The following DDX1 variants were observed in gnomAD, a reference collection of about 807,000 sequenced individuals.
The protein encoded by DDX1 is ATP-dependent RNA helicase DDX1.
DDX1 carries 28 observed loss-of-function variants against 108.7 expected under a neutral mutation model. That is an observed-to-expected ratio of 0.26 (90% CI 0.19 to 0.35). DDX1 has a LOEUF of 0.35. Among genes scored for constraint, DDX1 ranks in the 10% least tolerant of loss-of-function variants. The pLI, the probability that DDX1 is intolerant of heterozygous loss-of-function variation, is 1.00. For synonymous variants in DDX1, 295 were observed against 288.9 expected (o/e 1.02, Z -0.21); for missense variants, 710 against 884.5 (o/e 0.80, Z 2.50).
intron 18 of DDX1, 58 bp downstream of exon 18, chr2:15,621,174 C>T: frequency 1.6e-6 from 2 of 1,226,370 alleles, no homozygotes; most frequent in Non-Finnish European, 2.4e-6. Context: ...TATACCTTAC[C>T]TATTCTCATG....
chr2:15,619,495 T>TC (rs1382189927), intron 16 of DDX1, among the ~76,000 whole-genome samples: 1 of 152,140 alleles, frequency 6.6e-6, no homozygotes, highest in Non-Finnish European at 1.5e-5. Context: ...TGCTCATGTC[T>TC]CCCCGCTGCA....
intron 10 of DDX1, among the ~76,000 whole-genome samples, chr2:15,605,404 G>A (rs147895595): frequency 7.2e-5 from 11 of 152,236 alleles, no homozygotes; most frequent in Non-Finnish European, 1.3e-4. Context: ...AAGGATCAGG[G>A]AGCAATCACT....
At chr2:15,626,256 C>T (rs573095440) in intron 19 of DDX1, among the ~76,000 whole-genome samples, 1 of 152,082 alleles carries the variant, frequency 6.6e-6, no homozygotes. Context: ...CACTTGAATG[C>T]AGGATGCAAT....
At chr2:15,624,081 T>C (rs950847957) in intron 19 of DDX1, among the ~76,000 whole-genome samples, 1 of 152,210 alleles carries the variant, frequency 6.6e-6, no homozygotes, top group South Asian at 2.1e-4. Context: ...TCTTCTGTTA[T>C]AAAGCATGGA....
At position 15,628,830 on chromosome 2, in the gene DDX1, A is replaced by G. The variant is rs746137689; in HGVS notation, c.1866A>G (p.Glu622=). The change falls in exon 23 of 26, where the codon GAA becomes GAG. Residue 622 remains glutamate, a synonymous_variant. Transcript: ENST00000233084. The part of the protein sequence containing the change: ...MGLAISLVAT[E]KEKVWYHVCS... ...TGGCAATTTCCCTGGTGGCAACAGAAAAAGAAAAGGTAATCTTTGTAGGGC... is the reference window on the plus strand; with the variant it reads ...TGGCAATTTCCCTGGTGGCAACAGAGAAAGAAAAGGTAATCTTTGTAGGGC... 1 of 1,613,568 alleles carries G rather than the reference A, an allele frequency of 6.2e-7. No individual in the cohort carries two copies. Among genetic ancestry groups the G allele is most frequent in the South Asian group, 1.1e-5 (1 of 91,068 alleles).
At position 15,620,331 on chromosome 2, in the gene DDX1, G is replaced by C. The variant is rs891689465; in HGVS notation, c.1330G>C (p.Val444Leu). Residue 444 changes from valine (V) to leucine (L), a missense_variant, in exon 17 of 26, where the codon GTT becomes CTT. Physicochemically the swap from Val to Leu is conservative, Grantham distance 32 (BLOSUM62 1). Coordinates refer to ENST00000233084, the MANE Select transcript of DDX1 (RefSeq NM_004939.3). Reference sequence around the variant, plus strand: ...CTCTGTTCCAGATACTGTACACCATGTTGTTGTCCCAGTAAATCCCAAAAC... The same window carrying C: ...CTCTGTTCCAGATACTGTACACCATCTTGTTGTCCCAGTAAATCCCAAAAC... ...EDSVPDTVHH[V>L]VVPVNPKTDR... 5.6e-6 allele frequency: 9 copies of C among 1,613,908 alleles called. No homozygotes were observed. The African/African-American group carries it at 1.2e-4, about 22-fold the overall frequency.
In DDX1 at chr2:15,617,457, CATTGTT is replaced by C. The variant is rs1665919263; in HGVS notation, c.1116+118_1116+123del. ...CATGATCCTACTACCTAGAGATAAT[CATTGTT>C]ATCAGTTTGGTATATTTTCATATAC... On this transcript the variant is annotated intron_variant, in intron 15 of 25. Transcript: ENST00000233084. 6.8e-6 allele frequency: 3 copies of C among 444,014 alleles called. No individual in the cohort carries two copies. The East Asian group carries it at 1.1e-4, about 16-fold the overall frequency. 27.5% of individuals were successfully genotyped at this position (444,014 alleles called of 1,614,324 possible).
At chr2:15,595,067 T>A in intron 1 of DDX1, 78 bp from the exon 2 acceptor site, 1 of 1,147,728 alleles carries the variant, frequency 8.7e-7, no homozygotes, top group Non-Finnish European at 1.3e-6. Context: ...TTACCCTGTT[T>A]TATGAATAGT....
Position 15,591,913 on chromosome 2 carries a change from G to A in DDX1, c.-21G>A. On this transcript the variant is annotated 5_prime_UTR_variant, in exon 1 of 26. Coordinates refer to ENST00000233084, the MANE Select transcript of DDX1 (RefSeq NM_004939.3). ...GGGAGGGAGGGAGCGAGCAGGCGAA[G>A]CCGCGGAGGACGGGGTGAAGATGGC... 2.1e-6 allele frequency: 3 copies of A among 1,462,658 alleles called. No homozygotes were observed. Among genetic ancestry groups the A allele is most frequent in the Non-Finnish European group, 2.7e-6 (3 of 1,106,942 alleles). The allele number at this position is 1,462,658 out of a possible 1,614,324, so 90.6% of individuals were successfully genotyped here.
At chr2:15,612,659 T>A (rs1447763813) in intron 13 of DDX1, among the ~76,000 whole-genome samples, 2 of 151,928 alleles carry the variant, frequency 1.3e-5, no homozygotes, top group Non-Finnish European at 2.9e-5. Context: ...GGCAGGCGGC[T>A]GGGAGGTGGA....
At chr2:15,597,523 A>G (rs1210855310) in intron 5 of DDX1, 52 bp downstream of exon 5, 18 of 1,195,650 alleles carry the variant, frequency 1.5e-5, no homozygotes, top group Non-Finnish European at 2.1e-5. Context: ...GGTTCTCATC[A>G]CTGACAGTTA....
At chr2:15,593,191 C>A (rs1228846980) in intron 1 of DDX1, among the ~76,000 whole-genome samples, 1 of 152,128 alleles carries the variant, frequency 6.6e-6, no homozygotes, top group African/African-American at 2.4e-5. Context: ...CAAAGTGCAA[C>A]AGTCATGTAA....
intron 13 of DDX1, among the ~76,000 whole-genome samples, chr2:15,612,231 A>C (rs1402725670): frequency 2.1e-5 from 3 of 141,540 alleles, no homozygotes; most frequent in Admixed American, 2.1e-4. Context: ...CCGGGCGGTG[A>C]CGCTCCTCAC....
chr2:15,603,971 T>C (rs911258209), intron 9 of DDX1, 81 bp downstream of exon 9: 4 of 873,720 alleles, frequency 4.6e-6, no homozygotes, highest in Non-Finnish European at 5.3e-6. Flanking sequence ...AATGAGGGTA[T>C]ACAAATGATT....
chr2:15,591,890 G>A lies in DDX1; in HGVS notation c.-44G>A. 1 of 1,467,892 alleles carries A rather than the reference G, an allele frequency of 6.8e-7. No homozygotes were observed. The highest frequency in any genetic ancestry group is 9.0e-7 in the Non-Finnish European group (1 of 1,108,726). 90.9% of individuals were successfully genotyped at this position (1,467,892 alleles called of 1,614,324 possible). ...GCCACTGCCACGCCGTGTCAGTCGG[G>A]AGGGAGGGAGCGAGCAGGCGAAGCC... On this transcript the variant is annotated 5_prime_UTR_variant, in exon 1 of 26. Coordinates refer to ENST00000233084, the MANE Select transcript of DDX1 (RefSeq NM_004939.3).
intron 14 of DDX1, 148 bp downstream of exon 14, chr2:15,613,432 C>T (rs759070533): frequency 5.2e-5 from 26 of 495,414 alleles, no homozygotes; most frequent in African/African-American, 1.0e-4. Context: ...CTTGCAAGTG[C>T]GCCTTTTCTT....
chr2:15,631,039 A>G lies in DDX1; in HGVS notation c.*133A>G, dbSNP rs1666186725. The stretch of plus-strand genomic sequence containing the variant: ...TAATGCTAACTCTTGCATGTCAAGA[A>G]ACATTAGTCTTAGGAATTCTTCAAA... On this transcript the variant is annotated 3_prime_UTR_variant, in exon 26 of 26. Coordinates refer to ENST00000233084, the MANE Select transcript of DDX1 (RefSeq NM_004939.3). 1.3e-6 allele frequency: 1 copy of G among 760,230 alleles called. No individual in the cohort carries two copies. 47.1% of individuals were successfully genotyped at this position (760,230 alleles called of 1,614,324 possible).
chr2:15,595,176 T>C lies in DDX1; in HGVS notation c.48T>C (p.Ala16=), dbSNP rs762032554. Reference sequence around the variant, plus strand: ...GTGTAATGCCTGAGATTGCACAAGCTGTGGAAGAGATGGATTGGCTGTAAG... The same window carrying C: ...GTGTAATGCCTGAGATTGCACAAGCCGTGGAAGAGATGGATTGGCTGTAAG... The part of the protein sequence containing the change: ...EMGVMPEIAQ[A]VEEMDWLLPT... The change falls in exon 2 of 26, where the codon GCT becomes GCC. Residue 16 remains alanine (A), a synonymous_variant. Coordinates refer to ENST00000233084, the MANE Select transcript of DDX1 (RefSeq NM_004939.3). 2 of 1,612,130 alleles carry C rather than the reference T, an allele frequency of 1.2e-6. No individual in the cohort carries two copies. The highest frequency in any genetic ancestry group is 2.2e-5 in the East Asian group (1 of 44,826).
rs1038265681 is a variant in DDX1, at chr2:15,619,083, G to A, written c.1206+813G>A. On this transcript the variant is annotated intron_variant, in intron 16 of 25. Transcript: ENST00000233084. ...GGGCAGCTGCAGCCATGCCTGGGATGGTGGAGCTCCTGCCTGCCCTGGCTC... is the reference window on the plus strand; with the variant it reads ...GGGCAGCTGCAGCCATGCCTGGGATAGTGGAGCTCCTGCCTGCCCTGGCTC... Among the ~76,000 whole-genome samples the A allele has an allele frequency of 1.6e-4, 25 of 152,174 alleles. 1 individual carries two copies. Among genetic ancestry groups the A allele is most frequent in the African/African-American group, 5.8e-4 (24 of 41,450 alleles).
Sources: allele counts gnomAD v4.1 joint callset (sites outside exome capture counted in the v4.1 genomes callset), GRCh38; gene constraint gnomAD v4.1.1; transcripts MANE v1.5; gene names NCBI Gene and HGNC (gene_info 2026-07-23, HGNC 2026-07-21).